FBXL7: variants seen among roughly 807,000 people sequenced by gnomAD.
FBXL7 encodes F-box and leucine rich repeat protein 7, also known as F-box/LRR-repeat protein 7.
In FBXL7, 12 loss-of-function variants were observed where a neutral mutation model predicts 38.3. That is an observed-to-expected ratio of 0.31 (90% CI 0.20 to 0.51). The LOEUF is 0.51. Ranked by LOEUF, FBXL7 falls within the 20% of genes least tolerant of loss-of-function variation. The probability of loss-of-function intolerance (pLI) is 0.98; values close to 1 mark genes in which losing one functional copy is unlikely to be tolerated. For missense variants in FBXL7, 567 were observed against 676.4 expected (o/e 0.84, Z 1.79); for synonymous variants, 297 against 300.9 (o/e 0.99, Z 0.13).
chr5:15,657,891 G>A (rs1435428656), intron 2 of FBXL7, among the ~76,000 whole-genome samples: 1 of 151,950 alleles, frequency 6.6e-6, no homozygotes, highest in Non-Finnish European at 1.5e-5. Flanking sequence ...TGACTAGGGA[G>A]CAACTTTTGA....
intron 2 of FBXL7, among the ~76,000 whole-genome samples, chr5:15,650,466 T>C (rs1254809315): frequency 6.6e-6 from 1 of 152,222 alleles, no homozygotes; most frequent in Non-Finnish European, 1.5e-5. Context: ...AGGGTGGTGG[T>C]TGCTGAAGCT....
At chr5:15,658,857 C>A (rs1741967616) in intron 2 of FBXL7, among the ~76,000 whole-genome samples, 1 of 152,148 alleles carries the variant, frequency 6.6e-6, no homozygotes, top group Non-Finnish European at 1.5e-5. Flanking sequence ...GGGCACGGTG[C>A]TGGGCTGTCT....
chr5:15,535,457 T>C (rs1737558067), intron 1 of FBXL7, among the ~76,000 whole-genome samples: 1 of 152,222 alleles, frequency 6.6e-6, no homozygotes, highest in African/African-American at 2.4e-5. Flanking sequence ...GCTGAGATGG[T>C]ATCAGATGGA....
intron 2 of FBXL7, among the ~76,000 whole-genome samples, chr5:15,788,905 C>A (rs1022154801): frequency 6.7e-6 from 1 of 149,998 alleles, no homozygotes; most frequent in Non-Finnish European, 1.5e-5. Flanking sequence ...AGCTGGAGTA[C>A]AGTGGTGTGA....
At chr5:15,666,755 A>C (rs956058426) in intron 2 of FBXL7, among the ~76,000 whole-genome samples, 1 of 152,072 alleles carries the variant, frequency 6.6e-6, no homozygotes, top group Non-Finnish European at 1.5e-5. Flanking sequence ...TTCTTTATTC[A>C]CTTTTGGATT....
chr5:15,556,660 A>C (rs1263768874), intron 1 of FBXL7, among the ~76,000 whole-genome samples: 4 of 152,216 alleles, frequency 2.6e-5, no homozygotes, highest in Admixed American at 6.5e-5. Flanking sequence ...GAACAGAATT[A>C]ATACTTTATA....
chr5:15,547,313 A>C (rs893604783), intron 1 of FBXL7, among the ~76,000 whole-genome samples: 32 of 152,210 alleles, frequency 2.1e-4, no homozygotes, highest in Non-Finnish European at 8.8e-5. Context: ...TTTCCCTTTC[A>C]TCTTAGCAGA....
chr5:15,544,406 T>C (rs969987182), intron 1 of FBXL7, among the ~76,000 whole-genome samples: 15 of 152,224 alleles, frequency 9.9e-5, no homozygotes, highest in African/African-American at 3.6e-4. Context: ...CGTTATGTGA[T>C]GGTCAAAGGC....
At chr5:15,871,316 A>G (rs1739952857) in intron 2 of FBXL7, among the ~76,000 whole-genome samples, 1 of 152,342 alleles carries the variant, frequency 6.6e-6, no homozygotes, top group Middle Eastern at 3.4e-3. Context: ...CCAAAGACCA[A>G]AGGTAGATAA....
chr5:15,795,003 C>A (rs1009350575), intron 2 of FBXL7, among the ~76,000 whole-genome samples: 1 of 152,166 alleles, frequency 6.6e-6, no homozygotes, highest in Non-Finnish European at 1.5e-5. Flanking sequence ...GCATGAACTG[C>A]TTATGAAACT....
intron 1 of FBXL7, among the ~76,000 whole-genome samples, chr5:15,577,639 T>C (rs2126462385): frequency 1.3e-5 from 2 of 149,858 alleles, no homozygotes; most frequent in East Asian, 4.0e-4. Context: ...TGTGTGTGTC[T>C]ATTTATAGAT....
intron 2 of FBXL7, among the ~76,000 whole-genome samples, chr5:15,880,292 A>G (rs1740389336): frequency 4.2e-5 from 1 of 23,996 alleles, no homozygotes; most frequent in African/African-American, 3.4e-4. Flanking sequence ...GGCCATAGCT[A>G]TAAGAACAGT....
At chr5:15,565,591 T>G (rs1317977255) in intron 1 of FBXL7, among the ~76,000 whole-genome samples, 3 of 151,804 alleles carry the variant, frequency 2.0e-5, no homozygotes, top group Admixed American at 6.6e-5. Context: ...AATCTTGCTC[T>G]CTCTCTATAT....
chr5:15,533,086 AG>A (rs1737476280), intron 1 of FBXL7, among the ~76,000 whole-genome samples: 1 of 152,200 alleles, frequency 6.6e-6, no homozygotes, highest in Non-Finnish European at 1.5e-5. Flanking sequence ...GGGGATATCC[AG>A]TGGACATTGA....
chr5:15,892,885 A>AG (rs1482212916), intron 2 of FBXL7, among the ~76,000 whole-genome samples: 3 of 152,154 alleles, frequency 2.0e-5, no homozygotes, highest in African/African-American at 7.2e-5. Context: ...TGGGAGGCCG[A>AG]GGGGGGCGGA....
intron 2 of FBXL7, among the ~76,000 whole-genome samples, chr5:15,702,960 G>A (rs1743576090): frequency 6.6e-6 from 1 of 152,126 alleles, no homozygotes. Context: ...TGCTCAGTAG[G>A]GGAGCTTCTG....
intron 2 of FBXL7, among the ~76,000 whole-genome samples, chr5:15,690,678 A>G (rs2126621505): frequency 6.6e-6 from 1 of 152,334 alleles, no homozygotes; most frequent in South Asian, 2.1e-4. Context: ...GTTAAGTGAA[A>G]TAAGCCAAAC....
chr5:15,875,616 A>G (rs945480067), intron 2 of FBXL7, among the ~76,000 whole-genome samples: 1 of 152,216 alleles, frequency 6.6e-6, no homozygotes, highest in African/African-American at 2.4e-5. Context: ...CACTTTTCAA[A>G]AGAAGACATT....
At chr5:15,879,307 T>G (rs1006368096) in intron 2 of FBXL7, among the ~76,000 whole-genome samples, 1 of 152,160 alleles carries the variant, frequency 6.6e-6, no homozygotes, top group African/African-American at 2.4e-5. Flanking sequence ...AATCTCCTTC[T>G]TTCTAATTCT....
Sources: allele counts gnomAD v4.1 joint callset (sites outside exome capture counted in the v4.1 genomes callset), GRCh38; gene constraint gnomAD v4.1.1; transcripts MANE v1.5; gene names NCBI Gene and HGNC (gene_info 2026-07-23, HGNC 2026-07-21).